The following AP2A1 variants were observed in gnomAD, a reference collection of about 807,000 sequenced individuals.
The protein encoded by AP2A1 is adaptor related protein complex 2 subunit alpha 1, also known as AP-2 complex subunit alpha-1.
AP2A1 carries 21 observed loss-of-function variants against 107.3 expected under a neutral mutation model. The observed-to-expected ratio is 0.20, with a 90% CI of 0.14 to 0.28. The LOEUF is 0.28. Among genes scored for constraint, AP2A1 ranks in the 10% least tolerant of loss-of-function variants. The pLI is 1.00. For synonymous variants in AP2A1, 602 were observed against 564.8 expected, an observed-to-expected ratio of 1.07 and a Z score of -0.93; for missense variants, 873 against 1,307.7, an observed-to-expected ratio of 0.67 and a Z score of 5.13.
chr19:49,805,336 A>G, intron 18 of AP2A1, 117 bp from the exon 19 acceptor site: 2 of 1,225,434 alleles, frequency 1.6e-6, no homozygotes, highest in Non-Finnish European at 1.1e-6. Context: ...CCAGGATTGC[A>G]CCATGGGGTC....
intron 1 of AP2A1, among the ~76,000 whole-genome samples, chr19:49,771,934 A>G (rs1331056137): frequency 2.6e-5 from 4 of 152,136 alleles, no homozygotes; most frequent in Admixed American, 1.3e-4. Context: ...GCAAGTGCAA[A>G]GGTCCTGACT....
rs946032485 is a variant in AP2A1 at position 49,802,906 on chromosome 19, C to T, written c.2115-43C>T. 1.4e-5 allele frequency: 22 copies of T among 1,596,188 alleles called. No individual in the cohort carries two copies. In the African/African-American group the frequency reaches 2.6e-4, roughly 19 times the overall value. On this transcript the variant is annotated intron_variant, in intron 15 of 22. Coordinates refer to ENST00000354293, the MANE Select transcript of AP2A1 (RefSeq NM_130787.3). ...CAATCGCTCTGGGCCTTTGCCCCTCCCCACCAAGTTCCTTCCCATCTCACT... is the reference window on the plus strand; with the variant it reads ...CAATCGCTCTGGGCCTTTGCCCCTCTCCACCAAGTTCCTTCCCATCTCACT...
At chr19:49,787,354 G>GT (rs1175245045) in intron 4 of AP2A1, among the ~76,000 whole-genome samples, 2,002 of 94,318 alleles carry the variant, frequency 0.021, 109 homozygotes, top group Non-Finnish European at 0.027. Context: ...TTTGTTTTTT[G>GT]TTTTTTTTTT....
At chr19:49,794,297 C>A (rs12610289) in intron 6 of AP2A1, among the ~76,000 whole-genome samples, 16,261 of 150,026 alleles carry the variant, frequency 0.11, 1,129 homozygotes, top group East Asian at 0.22. Flanking sequence ...TTCACTGCAG[C>A]CTCTGGCTCC....
At chr19:49,783,438 T>A (rs191376389) in intron 4 of AP2A1, among the ~76,000 whole-genome samples, 14 of 152,026 alleles carry the variant, frequency 9.2e-5, no homozygotes, top group East Asian at 1.9e-4. Flanking sequence ...CTGCAATGAG[T>A]TGTGGTTGCG....
intron 4 of AP2A1, 67 bp downstream of exon 4, chr19:49,782,791 C>T: frequency 6.8e-7 from 1 of 1,478,166 alleles, no homozygotes; most frequent in Non-Finnish European, 9.0e-7. Flanking sequence ...AAGTGTGAGG[C>T]TCAGAGAGGC....
chr19:49,795,605 C>CCCCCCTTTTT, intron 6 of AP2A1, 25 bp from the exon 7 acceptor site: 5 of 812,258 alleles, frequency 6.2e-6, no homozygotes, highest in Admixed American at 2.6e-5. Flanking sequence ...CAGCCCCCAA[C>CCCCCCTTTTT]TTATTTCTTG....
chr19:49,806,237 C>G lies in AP2A1; in HGVS notation c.2774C>G (p.Pro925Arg). 1 of 1,607,666 alleles carries G rather than the reference C, an allele frequency of 6.2e-7. No homozygotes were observed. Among genetic ancestry groups the G allele is most frequent in the Non-Finnish European group, 8.5e-7 (1 of 1,177,454 alleles). Reference sequence around the variant, plus strand: ...GTGGGCTGTCTGCTTCGGCTGGAGCCCAATGCCCAGGCCCAGGTGAGTGCT... The same window carrying G: ...GTGGGCTGTCTGCTTCGGCTGGAGCGCAATGCCCAGGCCCAGGTGAGTGCT... ...LQVGCLLRLE[P>R]NAQAQMYRLT... The change falls in exon 22 of 23, where the codon CCC becomes CGC. Residue 925 changes from proline (P) to arginine (R), a missense_variant. This residue lies in a region of AP2A1 where 416 missense variants were observed against 473.4 expected (regional missense o/e 0.88). Transcript: ENST00000354293.
chr19:49,793,422 CTCTCCCACTTCTCTCTCTG>C (rs2073171333), intron 6 of AP2A1, among the ~76,000 whole-genome samples: 1 of 152,178 alleles, frequency 6.6e-6, no homozygotes, highest in East Asian at 1.9e-4. Context: ...GACCTCCTCC[CTCTCCCACTTCTCTCTCTG>C]TCTCCCACTT....
In AP2A1 at chr19:49,788,968, GCC is replaced by G. The variant is rs528511323; in HGVS notation, c.474-2966_474-2965del. 1.1e-3 allele frequency among the ~76,000 whole-genome samples: 169 copies of G among 152,340 alleles called. 1 individual carries two copies. Among genetic ancestry groups the G allele is most frequent in the African/African-American group, 3.9e-3 (162 of 41,576 alleles). On this transcript the variant is annotated intron_variant, in intron 4 of 22. Coordinates refer to ENST00000354293, the MANE Select transcript of AP2A1 (RefSeq NM_130787.3). This position sits in a 1 kb window ranked among gnomAD's most constrained non-coding sequence, Gnocchi z 4.5. ...AGGAAGCCCAGAGCCTCTCCAGAGG[GCC>G]TGTCCCTGTGTCCGCCTCCAGCTGC...
chr19:49,777,579 G>A (rs1475562708), intron 1 of AP2A1, among the ~76,000 whole-genome samples: 1 of 150,610 alleles, frequency 6.6e-6, no homozygotes, highest in East Asian at 2.0e-4. Flanking sequence ...AGCTTGAAGT[G>A]AGCAGAGATG....
chr19:49,803,102 C>T lies in AP2A1; in HGVS notation c.2172-5C>T, dbSNP rs957488695. On this transcript the variant is annotated splice_region_variant and splice_polypyrimidine_tract_variant and intron_variant, in intron 16 of 22. Coordinates refer to ENST00000354293, the MANE Select transcript of AP2A1 (RefSeq NM_130787.3). ...CCCGTCATCTTGCGCCCCCTGCCCCCTCAGGTTTGTGTGTAAGAACAACGG... is the reference window on the plus strand; with the variant it reads ...CCCGTCATCTTGCGCCCCCTGCCCCTTCAGGTTTGTGTGTAAGAACAACGG... 9.9e-6 allele frequency: 16 copies of T among 1,613,878 alleles called. No individual in the cohort carries two copies. The highest frequency in any genetic ancestry group is 1.1e-5 in the Non-Finnish European group (13 of 1,179,904).
intron 22 of AP2A1, 166 bp downstream of exon 22, chr19:49,806,419 C>T (rs2073385748): frequency 7.0e-7 from 1 of 1,435,902 alleles, no homozygotes; most frequent in Non-Finnish European, 9.1e-7. Flanking sequence ...GTTTAATCTC[C>T]TGTCTCCAAC....
chr19:49,798,717 C>T lies in AP2A1; in HGVS notation c.815-85C>T, dbSNP rs1450968430. ...CACCCCGAGCTCCTCCTTTGGAAGA[C>T]AGGAGCTGGGGCATGGCCACCACCC... On this transcript the variant is annotated intron_variant, in intron 7 of 22. Coordinates refer to ENST00000354293, the MANE Select transcript of AP2A1 (RefSeq NM_130787.3). The T allele has an allele frequency of 4.7e-6, 7 of 1,498,176 alleles. No individual in the cohort carries two copies. In the South Asian group the frequency reaches 7.8e-5, roughly 17 times the overall value. 92.8% of individuals were successfully genotyped at this position (1,498,176 alleles called of 1,614,324 possible).
chr19:49,801,535 T>G lies in AP2A1; in HGVS notation c.1699T>G (p.Ser567Ala). The change falls in exon 13 of 23, where the codon TCC becomes GCC. Residue 567 changes from serine to alanine, a missense_variant. Ser to Ala is a moderately conservative substitution (Grantham distance 99, BLOSUM62 1). Coordinates refer to ENST00000354293, the MANE Select transcript of AP2A1 (RefSeq NM_130787.3). ...CATCCAGGGCGTCCTGCGGGCCGGC[T>G]CCCAGCTGCGCAATGCTGACGTGGA... is the stretch of plus-strand genomic sequence containing the variant. Reference protein sequence around the residue: ...ATIQGVLRAGSQLRNADVELQ... With the variant: ...ATIQGVLRAGAQLRNADVELQ... 1 of 1,612,346 alleles carries G rather than the reference T, an allele frequency of 6.2e-7. No individual in the cohort carries two copies. Among genetic ancestry groups the G allele is most frequent in the Non-Finnish European group, 8.5e-7 (1 of 1,179,446 alleles).
chr19:49,802,438 CCT>C (rs1568588273), intron 15 of AP2A1: 1 of 1,215,908 alleles, frequency 8.2e-7, no homozygotes, highest in South Asian at 1.3e-5. Flanking sequence ...TCCGTCCCTC[CCT>C]CTCTGTCTCT....
intron 1 of AP2A1, among the ~76,000 whole-genome samples, chr19:49,780,302 A>C (rs1268209008): frequency 1.3e-5 from 2 of 152,226 alleles, no homozygotes; most frequent in Non-Finnish European, 2.9e-5. Flanking sequence ...AATAATAAAG[A>C]ATTGACTTTA....
At chr19:49,799,028 C>T in intron 8 of AP2A1, 76 bp downstream of exon 8, 15 of 1,520,552 alleles carry the variant, frequency 9.9e-6, no homozygotes, top group Non-Finnish European at 1.2e-5. Context: ...CTCCTGAGTC[C>T]TAGGCAGAGG....
chr19:49,792,588 A>G (rs542386395), intron 5 of AP2A1, among the ~76,000 whole-genome samples: 182 of 147,704 alleles, frequency 1.2e-3, no homozygotes, highest in African/African-American at 4.4e-3. Context: ...TGACCCCCAC[A>G]CCCCTCACCA....
Sources: gnomAD v4.1 joint callset for allele counts (sites outside exome capture counted in the v4.1 genomes callset) on GRCh38, gnomAD v4.1.1 for gene constraint, gnomAD v4.1.1 regional missense constraint, Gnocchi (gnomAD v3.1) non-coding constraint, MANE v1.5 for transcripts, NCBI Gene and HGNC (gene_info 2026-07-23, HGNC 2026-07-21) for gene names.